ATXN10: variants seen among roughly 807,000 people sequenced by gnomAD.
ATXN10 encodes the protein ataxin-10.
ATXN10 carries 28 observed loss-of-function variants against 52.9 expected under a neutral mutation model. The observed-to-expected ratio is 0.53, with a 90% CI of 0.39 to 0.73. The LOEUF is 0.73. Among genes scored for constraint, ATXN10 ranks in the 30% least tolerant of loss-of-function variants. ATXN10 has a pLI of 0.00. For synonymous variants in ATXN10, 226 were observed against 221.5 expected, an observed-to-expected ratio of 1.02 and a Z score of -0.18; for missense variants, 565 against 577.0, an observed-to-expected ratio of 0.98 and a Z score of 0.21.
intron 6 of ATXN10, among the ~76,000 whole-genome samples, chr22:45,721,371 A>G (rs1924643881): frequency 6.6e-6 from 1 of 152,212 alleles, no homozygotes; most frequent in Non-Finnish European, 1.5e-5. Context: ...TACTTTGGAT[A>G]GGTTAATGAG....
rs1480440418 is a variant in ATXN10, at chr22:45,845,124, A to G, written c.*1453A>G. The G allele has an allele frequency of 6.6e-6, 1 of 152,204 alleles. No homozygotes were observed. Among genetic ancestry groups the G allele is most frequent in the Non-Finnish European group, 1.5e-5 (1 of 68,030 alleles). The allele number at this position is 152,204 out of a possible 1,614,324, so 9.4% of individuals were successfully genotyped here. A position where few individuals can be genotyped will look rare whatever the true frequency, so the allele number is the denominator to read the frequency against. ...AGAGTTAAAGCTCTGTCCTCTAAAT[A>G]GAAGCCTGGCCAAAGGGAGAAAACA... On this transcript the variant is annotated 3_prime_UTR_variant, in exon 12 of 12. Coordinates refer to ENST00000252934, the MANE Select transcript of ATXN10 (RefSeq NM_013236.4). The surrounding 1 kb of genome is among the most constrained non-coding windows in gnomAD (Gnocchi z 4.7).
At position 45,775,477 on chromosome 22, in the gene ATXN10, A is replaced by G. The variant is rs1926920037; in HGVS notation, c.1174-31482A>G. ...TATTTAGTTGTCTTTATTCTGTTCA[A>G]ACATTTTCTTGTTTACTTGTTGAAG... On this transcript the variant is annotated intron_variant, in intron 9 of 11. Transcript: ENST00000252934. The surrounding 1 kb of genome is among the most constrained non-coding windows in gnomAD (Gnocchi z 4.7). Among the ~76,000 whole-genome samples the G allele has an allele frequency of 6.6e-6, 1 of 152,210 alleles. No individual in the cohort carries two copies. The highest frequency in any genetic ancestry group is 6.5e-5 in the Admixed American group (1 of 15,284).
At chr22:45,792,657 T>C (rs1927555640) in intron 9 of ATXN10, 1 of 260,768 alleles carries the variant, frequency 3.8e-6, no homozygotes, top group African/African-American at 2.2e-5. Flanking sequence ...TTCCCTAAAG[T>C]CCCTGAGAAA....
intron 6 of ATXN10, among the ~76,000 whole-genome samples, chr22:45,721,689 G>A (rs1040525014): frequency 2.0e-5 from 3 of 152,178 alleles, no homozygotes; most frequent in Admixed American, 6.5e-5. Flanking sequence ...TAGCATCACC[G>A]TTATGTATAG....
At chr22:45,704,527 A>G (rs1194399000) in intron 5 of ATXN10, among the ~76,000 whole-genome samples, 2 of 152,034 alleles carry the variant, frequency 1.3e-5, no homozygotes, top group African/African-American at 2.4e-5. Flanking sequence ...TAAGTATTTT[A>G]TTCTTTTTGA....
At chr22:45,834,381 C>T (rs1276939918) in intron 10 of ATXN10, among the ~76,000 whole-genome samples, 3 of 152,170 alleles carry the variant, frequency 2.0e-5, no homozygotes, top group South Asian at 2.1e-4. Context: ...ATTCATAAAT[C>T]CCCTATCGTT....
Position 45,738,745 on chromosome 22 carries a change from A to G in ATXN10, c.909A>G (p.Thr303=). 1.2e-6 allele frequency: 2 copies of G among 1,614,060 alleles called. No homozygotes were observed. The highest frequency in any genetic ancestry group is 1.7e-6 in the Non-Finnish European group (2 of 1,179,956). Residue 303 remains threonine (T), a synonymous_variant, in exon 8 of 12, where the codon ACA becomes ACG. Transcript: ENST00000252934. ...TTTCTTTCTAGGAGGCACTGGCTACAATTAGGCTTCTCGACGTCCTGTGCG... is the reference window on the plus strand; with the variant it reads ...TTTCTTTCTAGGAGGCACTGGCTACGATTAGGCTTCTCGACGTCCTGTGCG... ...EPPDDEEALA[T]IRLLDVLCEM...
At chr22:45,729,370 G>A (rs1043333507) in intron 6 of ATXN10, 55 bp from the exon 7 acceptor site, 2 of 1,572,046 alleles carry the variant, frequency 1.3e-6, no homozygotes, top group African/African-American at 1.3e-5. Flanking sequence ...GGTATTTTTA[G>A]CATTGTATAA....
In ATXN10 at chr22:45,793,686, C is replaced by T. The variant is rs1927600430; in HGVS notation, c.1174-13273C>T. ...GCCACAGCATCTCAAGAGAAGTCAC[C>T]AATCACACAGCTCCATGCTGAGGCC... On this transcript the variant is annotated intron_variant, in intron 9 of 11. Coordinates refer to ENST00000252934, the MANE Select transcript of ATXN10 (RefSeq NM_013236.4). The T allele has an allele frequency of 4.8e-6, 7 of 1,465,500 alleles. No homozygotes were observed. The East Asian group carries it at 1.6e-4, about 33-fold the overall frequency. 90.8% of individuals were successfully genotyped at this position (1,465,500 alleles called of 1,614,324 possible). A position where few individuals can be genotyped will look rare whatever the true frequency, so the allele number is the denominator to read the frequency against.
rs149551087 is a variant in ATXN10 at position 45,808,461 on chromosome 22, C to G, written c.1237+1439C>G. On this transcript the variant is annotated intron_variant, in intron 10 of 11. Coordinates refer to ENST00000252934, the MANE Select transcript of ATXN10 (RefSeq NM_013236.4). ...CTGTTGTACACGAGCACATTGTAGG[C>G]CTACAGATGCTCGCAGCACCTTCCA... Among the ~76,000 whole-genome samples the G allele has an allele frequency of 2.0e-5, 3 of 152,166 alleles. No individual in the cohort carries two copies. The South Asian group carries it at 6.2e-4, about 32-fold the overall frequency.
At chr22:45,698,541 T>C (rs572587178) in intron 3 of ATXN10, among the ~76,000 whole-genome samples, 21 of 152,350 alleles carry the variant, frequency 1.4e-4, no homozygotes, top group Middle Eastern at 6.8e-3. Flanking sequence ...TATAGATCAA[T>C]TGGGGAAGAA....
At chr22:45,730,079 C>T (rs1003959405) in intron 7 of ATXN10, among the ~76,000 whole-genome samples, 1 of 152,152 alleles carries the variant, frequency 6.6e-6, no homozygotes, top group Non-Finnish European at 1.5e-5. Context: ...CACGGTGCCT[C>T]ACACCTGTAA....
chr22:45,831,698 A>C (rs1168328222), intron 10 of ATXN10, among the ~76,000 whole-genome samples: 1 of 152,266 alleles, frequency 6.6e-6, no homozygotes, highest in East Asian at 1.9e-4. Context: ...CGGCAGTGGA[A>C]CAGCAATGCA....
rs1302687995 is a variant in ATXN10, at chr22:45,728,722, A to G, written c.729-703A>G. Among the ~76,000 whole-genome samples, 1 of 152,244 alleles carries G rather than the reference A, an allele frequency of 6.6e-6. No homozygotes were observed. Among genetic ancestry groups the G allele is most frequent in the Non-Finnish European group, 1.5e-5 (1 of 68,038 alleles). On this transcript the variant is annotated intron_variant, in intron 6 of 11. Transcript: ENST00000252934. This position sits in a 1 kb window ranked among gnomAD's most constrained non-coding sequence, Gnocchi z 4.3. ...GACCTATGTGTGATTCATTTTTCCT[A>G]GGAGAAGGAAAGAGATGGTTGAAAA... is the stretch of plus-strand genomic sequence containing the variant.
In ATXN10 at chr22:45,684,604, G is replaced by A. The variant is rs1190584641; in HGVS notation, c.117-5108G>A. 1.3e-5 allele frequency among the ~76,000 whole-genome samples: 2 copies of A among 152,174 alleles called. No individual in the cohort carries two copies. The highest frequency in any genetic ancestry group is 2.1e-4 in the South Asian group (1 of 4,838). On this transcript the variant is annotated intron_variant, in intron 1 of 11. Coordinates refer to ENST00000252934, the MANE Select transcript of ATXN10 (RefSeq NM_013236.4). This position sits in a 1 kb window ranked among gnomAD's most constrained non-coding sequence, Gnocchi z 4.1. ...TTGTTTAGGTGTTTCCTGTGGCTGC[G>A]TTTGTGCACTGGGGGAGTTGAGAGT...
In ATXN10 at chr22:45,740,582, T is replaced by G. The variant is rs772983849; in HGVS notation, c.1173+44T>G. The stretch of plus-strand genomic sequence containing the variant: ...ATGTATTATACATGTATGGCTTCAT[T>G]TAGAATATAGTCCTTGGAAGACATT... On this transcript the variant is annotated intron_variant, in intron 9 of 11. Transcript: ENST00000252934. 10 of 1,583,886 alleles carry G rather than the reference T, an allele frequency of 6.3e-6. No homozygotes were observed. The Admixed American group carries it at 1.7e-4, about 26-fold the overall frequency.
At chr22:45,838,274 C>T (rs1601679027) in intron 10 of ATXN10, among the ~76,000 whole-genome samples, 2 of 152,158 alleles carry the variant, frequency 1.3e-5, no homozygotes, top group African/African-American at 4.8e-5. Context: ...CTGTGTTGAA[C>T]CAGCTGAGGC....
At chr22:45,794,303 T>C (rs575994339) in intron 9 of ATXN10, among the ~76,000 whole-genome samples, 9,646 of 152,278 alleles carry the variant, frequency 0.063, 337 homozygotes, top group African/African-American at 0.083. Flanking sequence ...AGCCTTTGAT[T>C]TTTTTCTGTC....
rs1926314296 is a variant in ATXN10, at chr22:45,759,778, A to G, written c.1173+19240A>G. ...AGCTGCCGGCATGAGCTAAGGGACC[A>G]TATAACAGTCAGCACTGTCCATCGC... On this transcript the variant is annotated intron_variant, in intron 9 of 11. Transcript: ENST00000252934. This position sits in a 1 kb window ranked among gnomAD's most constrained non-coding sequence, Gnocchi z 5.4. Among the ~76,000 whole-genome samples the G allele has an allele frequency of 6.6e-6, 1 of 152,198 alleles. No homozygotes were observed. The highest frequency in any genetic ancestry group is 2.4e-5 in the African/African-American group (1 of 41,446).
Sources: gnomAD v4.1 joint callset for allele counts (sites outside exome capture counted in the v4.1 genomes callset) on GRCh38, gnomAD v4.1.1 for gene constraint, Gnocchi (gnomAD v3.1) non-coding constraint, MANE v1.5 for transcripts, NCBI Gene and HGNC (gene_info 2026-07-23, HGNC 2026-07-21) for gene names.